Variants in DYSF observed in about 807,000 individuals in gnomAD.
The protein encoded by DYSF is dystrophy-associated fer-1-like 1.
DYSF carries 212 observed loss-of-function variants against 274.9 expected under a neutral mutation model. That is an observed-to-expected ratio of 0.77 (90% confidence interval 0.69 to 0.86). DYSF has a LOEUF of 0.86. Ranked by LOEUF, DYSF falls within the 40% of genes least tolerant of loss-of-function variation. The pLI is 0.00. For synonymous variants in DYSF, 1,091 were observed against 1,078.7 expected (o/e 1.01, Z -0.22); for missense variants, 2,666 against 2,783.2 (o/e 0.96, Z 0.95).
chr2:71,454,015 TC>T lies in DYSF; in HGVS notation c.19del (p.Leu7SerfsTer25). 6.2e-7 allele frequency: 1 copy of T among 1,614,116 alleles called. No homozygotes were observed. The highest frequency in any genetic ancestry group is 8.5e-7 in the Non-Finnish European group (1 of 1,180,006). ...GCGCCAAGCATGCTGAGGGTCTTCA[TC>T]CTCTATGCCGAGAACGTCCACACAC... On this transcript the variant is annotated frameshift_variant, in exon 1 of 55. Coordinates refer to the DYSF transcript ENST00000258104. LOFTEE classifies it high-confidence loss of function.
Position 71,672,878 on chromosome 2 carries a change from C to T in DYSF, c.5785-1319C>T, listed in dbSNP as rs3791836. Among the ~76,000 whole-genome samples the T allele has an allele frequency of 4.9e-3, 746 of 152,364 alleles. 18 individuals carry two copies. The highest frequency in any genetic ancestry group is 0.041 in the Admixed American group (623 of 15,304). ...CTGGAGGTGAGGGGCCAGCTGGAGACCTGAGCCCCTTCCCCAACCCAGGCA... is the reference window on the plus strand; with the variant it reads ...CTGGAGGTGAGGGGCCAGCTGGAGATCTGAGCCCCTTCCCCAACCCAGGCA... On this transcript the variant is annotated intron_variant, in intron 51 of 55. Coordinates refer to ENST00000410020, the MANE Select transcript of DYSF (RefSeq NM_001130987.2).
rs7563513 is a variant in DYSF at position 71,606,177 on chromosome 2, C to T, written c.3957+3372C>T. Reference sequence around the variant, plus strand: ...TGGTTCTTCGTGGTAAACTGGCCAGCGGGACTGATAGACTGAAGTGGGCTT... The same window carrying T: ...TGGTTCTTCGTGGTAAACTGGCCAGTGGGACTGATAGACTGAAGTGGGCTT... On this transcript the variant is annotated intron_variant, in intron 36 of 55. Transcript: ENST00000410020. Among the ~76,000 whole-genome samples the T allele has an allele frequency of 6.7e-3, 1,013 of 152,226 alleles. 6 individuals carry two copies. Among genetic ancestry groups the T allele is most frequent in the African/African-American group, 0.017 (706 of 41,528 alleles).
At chr2:71,503,967 A>G (rs1017959041) in intron 4 of DYSF, among the ~76,000 whole-genome samples, 7 of 152,070 alleles carry the variant, frequency 4.6e-5, no homozygotes, top group African/African-American at 1.7e-4. Context: ...TCCAGGATGT[A>G]CCAGGAACCA....
At chr2:71,588,396 C>G (rs896637755) in intron 30 of DYSF, among the ~76,000 whole-genome samples, 1 of 152,024 alleles carries the variant, frequency 6.6e-6, no homozygotes, top group Non-Finnish European at 1.5e-5. Flanking sequence ...GGGACTGAGT[C>G]TTGAGGGTGG....
At chr2:71,481,729 T>C in intron 2 of DYSF, 150 bp from the exon 3 acceptor site, 1 of 499,198 alleles carries the variant, frequency 2.0e-6, no homozygotes, top group Admixed American at 3.2e-5. Context: ...CATCCATCCA[T>C]GCTTCCATCC....
At chr2:71,575,202 G>A (rs2092662085) in intron 30 of DYSF, among the ~76,000 whole-genome samples, 1 of 152,218 alleles carries the variant, frequency 6.6e-6, no homozygotes, top group Non-Finnish European at 1.5e-5. Context: ...GCTGTGGGGT[G>A]GCTCAGGATC....
chr2:71,533,743 A>G (rs148007227), intron 14 of DYSF, among the ~76,000 whole-genome samples: 1 of 152,344 alleles, frequency 6.6e-6, no homozygotes, highest in East Asian at 1.9e-4. Context: ...AAACATGAGC[A>G]TGCAGTTTTC....
Position 71,526,326 on chromosome 2 carries a change from G to C in DYSF, c.1256G>C (p.Arg419Pro), listed in dbSNP as rs776036392. The C allele has an allele frequency of 1.2e-6, 2 of 1,614,096 alleles. No individual in the cohort carries two copies. Among genetic ancestry groups the C allele is most frequent in the East Asian group, 2.2e-5 (1 of 44,868 alleles). ...GCCCACTTCTGCCTGAAGGTCTTCC[G>C]GGCCGAGGACTTGCCGCAGAGTGCG... is the stretch of plus-strand genomic sequence containing the variant. ...RGAHFCLKVF[R>P]AEDLPQMDDA... The change falls in exon 13 of 56, where the codon CGG (arginine) becomes CCG (proline). Residue 419 changes from arginine to proline, a missense_variant. By Grantham distance (103) the Arg-to-Pro change is moderately radical. Coordinates refer to ENST00000410020, the MANE Select transcript of DYSF (RefSeq NM_001130987.2).
chr2:71,573,903 A>G (rs917072572), intron 29 of DYSF, among the ~76,000 whole-genome samples: 1 of 151,446 alleles, frequency 6.6e-6, no homozygotes, highest in Non-Finnish European at 1.5e-5. Context: ...GCTCACTGCA[A>G]CCTCCACCTC....
intron 26 of DYSF, 113 bp downstream of exon 26, chr2:71,568,451 G>A (rs1299961235): frequency 7.1e-6 from 10 of 1,404,318 alleles, no homozygotes; most frequent in East Asian, 6.9e-5. Flanking sequence ...TTGCTCCTGC[G>A]CTGGTCATAG....
chr2:71,628,140 T>A (rs1439360279), intron 41 of DYSF, among the ~76,000 whole-genome samples: 1 of 152,108 alleles, frequency 6.6e-6, no homozygotes, highest in Non-Finnish European at 1.5e-5. Context: ...CCATCCCTTC[T>A]CTTCTTTTTA....
At chr2:71,465,706 G>C (rs2081488933), upstream of DYSF, among the ~76,000 whole-genome samples, 1 of 152,226 alleles carries the variant, frequency 6.6e-6, no homozygotes, top group African/African-American at 2.4e-5. Flanking sequence ...GAGTGAGCAG[G>C]TTGGTTAGTG....
intron 41 of DYSF, among the ~76,000 whole-genome samples, chr2:71,637,766 G>A (rs2094428142): frequency 6.6e-6 from 1 of 152,150 alleles, no homozygotes; most frequent in Non-Finnish European, 1.5e-5. Flanking sequence ...AAAGGGCAAG[G>A]GGGTAAACAA....
chr2:71,628,097 C>A (rs575865046), intron 41 of DYSF, among the ~76,000 whole-genome samples: 16 of 151,928 alleles, frequency 1.1e-4, no homozygotes, highest in South Asian at 2.1e-4. Flanking sequence ...CTCTATCAGC[C>A]TTTTTTCAAT....
At chr2:71,594,780 C>A (rs762336592) in intron 32 of DYSF, among the ~76,000 whole-genome samples, 1 of 152,222 alleles carries the variant, frequency 6.6e-6, no homozygotes, top group Non-Finnish European at 1.5e-5. Flanking sequence ...ATCCTTGAGG[C>A]CTGCTTTGGG....
chr2:71,464,129 C>T (rs1475319712), upstream of DYSF, among the ~76,000 whole-genome samples: 2 of 152,202 alleles, frequency 1.3e-5, no homozygotes, highest in African/African-American at 4.8e-5. Context: ...GGTTGCCACC[C>T]TCTGTGGTCT....
At chr2:71,485,111 G>A (rs1027969519) in intron 3 of DYSF, among the ~76,000 whole-genome samples, 4 of 152,152 alleles carry the variant, frequency 2.6e-5, no homozygotes, top group Non-Finnish European at 4.4e-5. Flanking sequence ...TGTAATTTTT[G>A]ATTTTTCCAA....
intron 36 of DYSF, among the ~76,000 whole-genome samples, chr2:71,608,354 G>A (rs1292925948): frequency 2.0e-5 from 3 of 152,084 alleles, no homozygotes; most frequent in Non-Finnish European, 4.4e-5. Flanking sequence ...GCATTTGGAC[G>A]CATGGTCAGA....
chr2:71,541,425 G>A (rs952079889), intron 17 of DYSF, among the ~76,000 whole-genome samples: 3 of 151,998 alleles, frequency 2.0e-5, no homozygotes, highest in Non-Finnish European at 4.4e-5. Context: ...ACATAGTGTT[G>A]TACAGAGCAA....
Sources: allele counts gnomAD v4.1 joint callset (sites outside exome capture counted in the v4.1 genomes callset), GRCh38; gene constraint gnomAD v4.1.1; transcripts MANE v1.5; gene names NCBI Gene and HGNC (gene_info 2026-07-23, HGNC 2026-07-21).